The following PHF20 variants were observed in gnomAD, a reference collection of about 807,000 sequenced individuals.
PHF20 encodes glioma-expressed antigen 2.
A neutral mutation model predicts 113.5 loss-of-function variants in PHF20; 23 were observed. The observed-to-expected ratio is 0.20, with a 90% confidence interval of 0.15 to 0.29. PHF20 has a LOEUF of 0.29. Ranked by LOEUF, PHF20 falls within the 10% of genes least tolerant of loss-of-function variation. The pLI is 1.00. For synonymous variants in PHF20, 434 were observed against 457.3 expected (o/e 0.95, Z 0.65); for missense variants, 943 against 1,219.6 (o/e 0.77, Z 3.38).
chr20:35,903,794 GT>G (rs1187192636), intron 10 of PHF20, among the ~76,000 whole-genome samples: 4 of 152,184 alleles, frequency 2.6e-5, no homozygotes, highest in Admixed American at 2.0e-4. Context: ...CATGTTCAGT[GT>G]TTATCACGTA....
chr20:35,893,344 C>T (rs2054913315), intron 9 of PHF20, among the ~76,000 whole-genome samples: 1 of 150,540 alleles, frequency 6.6e-6, no homozygotes, highest in African/African-American at 2.4e-5. Flanking sequence ...GAGTTTCGCT[C>T]TTGTCACCCA....
intron 1 of PHF20, chr20:35,782,497 C>T (rs1230137865): frequency 6.6e-6 from 1 of 152,126 alleles, no homozygotes; most frequent in Non-Finnish European, 1.5e-5. Flanking sequence ...ATTCGCCAAG[C>T]TAGTCTTGAA....
chr20:35,900,811 T>G (rs1273371017), intron 10 of PHF20, among the ~76,000 whole-genome samples: 2 of 152,196 alleles, frequency 1.3e-5, no homozygotes, highest in Non-Finnish European at 2.9e-5. Flanking sequence ...CACTCCAGCC[T>G]GGGCGACTGA....
At chr20:35,894,594 A>G (rs560020216) in intron 9 of PHF20, among the ~76,000 whole-genome samples, 15 of 152,360 alleles carry the variant, frequency 9.8e-5, no homozygotes, top group African/African-American at 3.6e-4. Flanking sequence ...TTAAAATGAC[A>G]TTGAATAGTC....
Position 35,940,514 on chromosome 20 carries a change from C to T in PHF20, c.2713-350C>T, listed in dbSNP as rs561309091. ...CAGGAGATGGAGCTGAGACTTGAAA[C>T]GCGTTGGTGTGACTCCCGTGTACTA... On this transcript the variant is annotated intron_variant, in intron 16 of 17. Transcript: ENST00000374012. 3.9e-5 allele frequency among the ~76,000 whole-genome samples: 6 copies of T among 151,940 alleles called. No homozygotes were observed. In the South Asian group the frequency reaches 1.0e-3, roughly 26 times the overall value.
At chr20:35,917,173 C>T (rs2055418854) in intron 12 of PHF20, 1 of 430,750 alleles carries the variant, frequency 2.3e-6, no homozygotes, top group Non-Finnish European at 4.6e-6. Context: ...GGGATGGTGG[C>T]CTGTGTGGTT....
chr20:35,939,648 T>C (rs2055938535), intron 16 of PHF20, among the ~76,000 whole-genome samples: 1 of 152,222 alleles, frequency 6.6e-6, no homozygotes, highest in African/African-American at 2.4e-5. Flanking sequence ...ATTCAAGTCA[T>C]TCTCTTCTAG....
chr20:35,934,612 CA>C (rs141701544), intron 15 of PHF20, among the ~76,000 whole-genome samples: 2,884 of 152,280 alleles, frequency 0.019, 90 homozygotes, highest in African/African-American at 0.067. Flanking sequence ...AGCTCTACCC[CA>C]GTCCCCAGGA....
intron 15 of PHF20, among the ~76,000 whole-genome samples, chr20:35,935,235 C>T (rs2055842120): frequency 6.6e-6 from 1 of 152,194 alleles, no homozygotes; most frequent in Non-Finnish European, 1.5e-5. Flanking sequence ...CCCACCTCAG[C>T]CTCCTGAGTA....
chr20:35,814,316 C>G (rs917634921), intron 2 of PHF20, among the ~76,000 whole-genome samples: 10 of 151,690 alleles, frequency 6.6e-5, no homozygotes, highest in Non-Finnish European at 1.5e-4. Context: ...CTCCCTAGTT[C>G]AAGCAATTCT....
Position 35,940,934 on chromosome 20 carries a change from G to A in PHF20, c.2783G>A (p.Gly928Glu), listed in dbSNP as rs1452422907. ...GCTCGGAAGCTGCTGGACAGAGGTGGAGAGGGGCTGCTGAGCTCCCAGCAC... is the reference window on the plus strand; with the variant it reads ...GCTCGGAAGCTGCTGGACAGAGGTGAAGAGGGGCTGCTGAGCTCCCAGCAC... Reference protein sequence around the residue: ...APARKLLDRGGEGLLSSQHQW... With the variant: ...APARKLLDRGEEGLLSSQHQW... Residue 928 changes from glycine to glutamate, a missense_variant, in exon 17 of 18, where the codon GGA (glycine) becomes GAA (glutamate). Physicochemically the swap from Gly to Glu is moderately conservative, Grantham distance 98. This residue lies in a region of PHF20 where 349 missense variants were observed against 412.3 expected (regional missense o/e 0.85). Transcript: ENST00000374012. 5 of 1,614,196 alleles carry A rather than the reference G, an allele frequency of 3.1e-6. 1 individual carries two copies. The South Asian group carries it at 5.5e-5, about 18-fold the overall frequency.
At chr20:35,906,576 TC>T (rs2055204973) in intron 10 of PHF20, among the ~76,000 whole-genome samples, 1 of 152,276 alleles carries the variant, frequency 6.6e-6, no homozygotes. Flanking sequence ...CCTTGCTTTC[TC>T]CCCGTTGTTG....
chr20:35,919,443 G>A (rs1044440705), intron 13 of PHF20, among the ~76,000 whole-genome samples: 6 of 150,942 alleles, frequency 4.0e-5, no homozygotes, highest in Non-Finnish European at 7.4e-5. Context: ...GGGTTCAAGC[G>A]ATTCTCCTGC....
chr20:35,894,778 C>A (rs1743797572), intron 9 of PHF20, among the ~76,000 whole-genome samples: 1 of 152,152 alleles, frequency 6.6e-6, no homozygotes, highest in Non-Finnish European at 1.5e-5. Context: ...AATAGGCTGT[C>A]CAGCTGCAGA....
At chr20:35,847,643 CT>C (rs2042646916) in intron 4 of PHF20, among the ~76,000 whole-genome samples, 1 of 152,154 alleles carries the variant, frequency 6.6e-6, no homozygotes, top group Non-Finnish European at 1.5e-5. Flanking sequence ...TTTTTACCCC[CT>C]GAATTTCAGT....
intron 15 of PHF20, among the ~76,000 whole-genome samples, chr20:35,932,607 T>G (rs1319677101): frequency 6.6e-6 from 1 of 150,576 alleles, no homozygotes; most frequent in Non-Finnish European, 1.5e-5. Flanking sequence ...ATTTTTGTAT[T>G]TTTAGTAGAG....
chr20:35,893,800 G>C (rs2054924692), intron 9 of PHF20, among the ~76,000 whole-genome samples: 1 of 152,010 alleles, frequency 6.6e-6, no homozygotes, highest in African/African-American at 2.4e-5. Flanking sequence ...ATTTTTAGTA[G>C]AGATGGGGTT....
At chr20:35,926,160 A>T (rs531117347) in intron 13 of PHF20, among the ~76,000 whole-genome samples, 34 of 150,882 alleles carry the variant, frequency 2.3e-4, no homozygotes, top group Admixed American at 1.6e-3. Flanking sequence ...TTTGAAACTG[A>T]ACTGTATTTG....
chr20:35,857,562 C>CTTTTTTTTTT (rs56655276), intron 4 of PHF20, among the ~76,000 whole-genome samples: 1,531 of 99,606 alleles, frequency 0.015, 3 homozygotes, highest in Middle Eastern at 0.021. Context: ...AATGATGTTC[C>CTTTTTTTTTT]TTTTTTTTTT....
Sources: gnomAD v4.1 joint callset for allele counts (sites outside exome capture counted in the v4.1 genomes callset) on GRCh38, gnomAD v4.1.1 for gene constraint, gnomAD v4.1.1 regional missense constraint, MANE v1.5 for transcripts, NCBI Gene and HGNC (gene_info 2026-07-23, HGNC 2026-07-21) for gene names.